STYX: variants seen among roughly 807,000 people sequenced by gnomAD.
STYX encodes the protein serine/threonine/tyrosine interacting protein.
Under a neutral mutation model 42.7 loss-of-function variants are expected in STYX, and 20 were observed. The observed-to-expected ratio is 0.47, with a 90% CI of 0.33 to 0.68. The LOEUF (loss-of-function observed/expected upper bound fraction) is 0.68. Among genes scored for constraint, STYX ranks in the 30% least tolerant of loss-of-function variants. The pLI, the probability that STYX is intolerant of heterozygous loss-of-function variation, is 0.02. For missense variants in STYX, 226 were observed against 268.5 expected, an observed-to-expected ratio of 0.84 and a Z score of 1.11; for synonymous variants, 78 against 81.9, an observed-to-expected ratio of 0.95 and a Z score of 0.26.
intron 9 of STYX, among the ~76,000 whole-genome samples, chr14:52,765,668 G>T (rs576915499): frequency 6.6e-6 from 1 of 152,148 alleles, no homozygotes; most frequent in African/African-American, 2.4e-5. Flanking sequence ...ATTTTTCCAC[G>T]GATGGGGTGG....
intron 1 of STYX, among the ~76,000 whole-genome samples, chr14:52,733,947 C>T (rs1002653911): frequency 5.9e-5 from 9 of 152,170 alleles, no homozygotes; most frequent in African/African-American, 2.2e-4. Flanking sequence ...GGTCCAAATA[C>T]CCCCTAGAAC....
chr14:52,734,702 C>T (rs904897529), intron 1 of STYX, among the ~76,000 whole-genome samples: 1 of 152,138 alleles, frequency 6.6e-6, no homozygotes, highest in African/African-American at 2.4e-5. Context: ...TTCCGTATTT[C>T]TTAATATTGC....
intron 1 of STYX, among the ~76,000 whole-genome samples, chr14:52,744,448 T>G (rs997849636): frequency 1.3e-5 from 2 of 152,228 alleles, no homozygotes; most frequent in Non-Finnish European, 2.9e-5. Context: ...GACACTCTTC[T>G]TCCTGTCTTG....
At chr14:52,761,558 A>G (rs1882093715) in intron 9 of STYX, among the ~76,000 whole-genome samples, 2 of 142,164 alleles carry the variant, frequency 1.4e-5, no homozygotes, top group South Asian at 4.6e-4. Flanking sequence ...TAACACCAGT[A>G]GCCAAAAGTT....
intron 1 of STYX, among the ~76,000 whole-genome samples, chr14:52,734,759 AAAG>A (rs776807308): frequency 3.9e-5 from 6 of 152,210 alleles, no homozygotes; most frequent in Non-Finnish European, 5.9e-5. Flanking sequence ...AATTTAAGAA[AAAG>A]AAGAAGTAAT....
intron 4 of STYX, among the ~76,000 whole-genome samples, chr14:52,755,580 C>T (rs901662200): frequency 1.3e-5 from 2 of 151,766 alleles, no homozygotes; most frequent in Non-Finnish European, 2.9e-5. Flanking sequence ...GTCTTAGAAA[C>T]GCTTAGAAAT....
chr14:52,757,978 C>G, intron 8 of STYX, 54 bp downstream of exon 8: 1 of 1,568,142 alleles, frequency 6.4e-7, no homozygotes, highest in Non-Finnish European at 8.7e-7. Context: ...TAAAATGAAA[C>G]TTAATGGGAA....
In STYX at chr14:52,773,898, A is replaced by C. The variant is rs1882617920; in HGVS notation, c.*2792A>C. The C allele has an allele frequency of 6.6e-6, 1 of 152,196 alleles. No individual in the cohort carries two copies. The highest frequency in any genetic ancestry group is 1.5e-5 in the Non-Finnish European group (1 of 68,032). The allele number at this position is 152,196 out of a possible 1,614,324, so 9.4% of individuals were successfully genotyped here. Reference sequence around the variant, plus strand: ...AATGTATGAGTGACCACCCAATTCCAACATTAAAAGTGTAATCTGGGCCCA... The same window carrying C: ...AATGTATGAGTGACCACCCAATTCCCACATTAAAAGTGTAATCTGGGCCCA... On this transcript the variant is annotated 3_prime_UTR_variant, in exon 11 of 11. Transcript: ENST00000354586.
In STYX at chr14:52,774,525, A is replaced by G. The variant is rs1263832547; in HGVS notation, c.*3419A>G. 6.6e-6 allele frequency: 1 copy of G among 151,208 alleles called. No individual in the cohort carries two copies. The highest frequency in any genetic ancestry group is 1.5e-5 in the Non-Finnish European group (1 of 67,834). The allele number at this position is 151,208 out of a possible 1,614,324, so 9.4% of individuals were successfully genotyped here. A position where few individuals can be genotyped will look rare whatever the true frequency, so the allele number is the denominator to read the frequency against. On this transcript the variant is annotated 3_prime_UTR_variant, in exon 11 of 11. Transcript: ENST00000354586. Reference sequence around the variant, plus strand: ...AGGGAATGCTAGAAAATAGATGAGAAGTACTGAAAGACCTTTTTTTTTAAT... The same window carrying G: ...AGGGAATGCTAGAAAATAGATGAGAGGTACTGAAAGACCTTTTTTTTTAAT...
intron 4 of STYX, among the ~76,000 whole-genome samples, 188 bp downstream of exon 4, chr14:52,750,968 A>G (rs1017906715): frequency 6.6e-6 from 1 of 152,124 alleles, no homozygotes; most frequent in African/African-American, 2.4e-5. Context: ...AAGGTTCAAA[A>G]GAGTGTATAT....
rs145041373 is a variant in STYX at position 52,745,439 on chromosome 14, A to C, written c.90+555A>C. Reference sequence around the variant, plus strand: ...CATGAGCCACCGTGCCTGGCCAATGAGTCACTTTCTTTTTCCTCACGTGAA... The same window carrying C: ...CATGAGCCACCGTGCCTGGCCAATGCGTCACTTTCTTTTTCCTCACGTGAA... On this transcript the variant is annotated intron_variant, in intron 2 of 10. Transcript: ENST00000354586. Among the ~76,000 whole-genome samples the C allele has an allele frequency of 2.9e-3, 443 of 152,258 alleles. 1 individual carries two copies. The highest frequency in any genetic ancestry group is 0.01 in the African/African-American group (428 of 41,564).
chr14:52,752,629 G>C lies in STYX; in HGVS notation c.242+1849G>C, dbSNP rs79800758. The stretch of plus-strand genomic sequence containing the variant: ...GAAATATATGTATGTGTTTGGATTT[G>C]GGATGATCTCCAAGATAATGCATTA... On this transcript the variant is annotated intron_variant, in intron 4 of 10. Coordinates refer to ENST00000354586, the MANE Select transcript of STYX (RefSeq NM_145251.4). Among the ~76,000 whole-genome samples, 6 of 152,028 alleles carry C rather than the reference G, an allele frequency of 3.9e-5. No homozygotes were observed. In the South Asian group the frequency reaches 1.0e-3, roughly 26 times the overall value.
At chr14:52,738,413 A>G (rs1297230103) in intron 1 of STYX, among the ~76,000 whole-genome samples, 3 of 152,220 alleles carry the variant, frequency 2.0e-5, no homozygotes, top group Admixed American at 1.3e-4. Flanking sequence ...GGAAAGCTCA[A>G]AAGTTCTTTG....
intron 1 of STYX, among the ~76,000 whole-genome samples, chr14:52,743,801 C>G (rs953177767): frequency 1.1e-4 from 16 of 152,218 alleles, no homozygotes; most frequent in African/African-American, 2.9e-4. Context: ...ATGCAGTCAA[C>G]CCACTGACAA....
chr14:52,757,485 A>G, intron 6 of STYX, 130 bp downstream of exon 6: 1 of 891,598 alleles, frequency 1.1e-6, no homozygotes, highest in Non-Finnish European at 1.7e-6. Context: ...CCAAATTTGT[A>G]TTTTCCCAAT....
intron 1 of STYX, among the ~76,000 whole-genome samples, chr14:52,738,366 AAG>A (rs1301087240): frequency 3.3e-5 from 5 of 152,168 alleles, no homozygotes; most frequent in Admixed American, 6.5e-5. Context: ...TATATATCTC[AAG>A]AGAGTCTTTC....
chr14:52,731,167 G>C (rs1190090267), intron 1 of STYX, among the ~76,000 whole-genome samples: 1 of 152,036 alleles, frequency 6.6e-6, no homozygotes, highest in Non-Finnish European at 1.5e-5. Flanking sequence ...TTAGATCCCT[G>C]CCTGCTGTTT....
intron 4 of STYX, among the ~76,000 whole-genome samples, chr14:52,751,556 C>T (rs1023072151): frequency 6.6e-6 from 1 of 152,138 alleles, no homozygotes. Context: ...GTGAGAGTGA[C>T]TCTTCCCTTA....
chr14:52,753,478 G>C (rs905308890), intron 4 of STYX, among the ~76,000 whole-genome samples: 2 of 152,106 alleles, frequency 1.3e-5, no homozygotes, highest in East Asian at 3.9e-4. Flanking sequence ...AAGCCACTAC[G>C]CTCAGCCGAG....
Sources: gnomAD v4.1 joint callset for allele counts (sites outside exome capture counted in the v4.1 genomes callset) on GRCh38, gnomAD v4.1.1 for gene constraint, MANE v1.5 for transcripts, NCBI Gene and HGNC (gene_info 2026-07-23, HGNC 2026-07-21) for gene names.